Variants in FBXW7 observed in about 807,000 individuals in gnomAD.
FBXW7 encodes F-box/WD repeat-containing protein 7.
In FBXW7, 11 loss-of-function variants were observed where a neutral mutation model predicts 86.3. The ratio of observed to expected loss-of-function variants is 0.13; its 90% CI spans 0.08 to 0.21. FBXW7 has a LOEUF of 0.21. Ranked by LOEUF, FBXW7 falls within the 10% of genes least tolerant of loss-of-function variation. The pLI is 1.00. For synonymous variants in FBXW7, 313 were observed against 297.9 expected (o/e 1.05, Z -0.52); for missense variants, 488 against 847.4 (o/e 0.58, Z 5.27).
At chr4:152,514,452 G>A (rs373025873) in intron 2 of FBXW7, among the ~76,000 whole-genome samples, 1 of 152,136 alleles carries the variant, frequency 6.6e-6, no homozygotes, top group Admixed American at 6.5e-5. Flanking sequence ...CAGGGGTGGG[G>A]AGGTATGTTC....
At chr4:152,401,073 C>T (rs1736884929) in intron 4 of FBXW7, among the ~76,000 whole-genome samples, 1 of 152,212 alleles carries the variant, frequency 6.6e-6, no homozygotes, top group Non-Finnish European at 1.5e-5. Context: ...GCCACAGGAA[C>T]TCTCATTCAC....
intron 2 of FBXW7, among the ~76,000 whole-genome samples, chr4:152,465,900 T>A (rs1743381658): frequency 2.0e-5 from 3 of 150,954 alleles, no homozygotes; most frequent in Non-Finnish European, 2.9e-5. Flanking sequence ...CTCAAGTGAC[T>A]GTTAGCCAAT....
At chr4:152,459,439 G>T (rs1579260127) in intron 2 of FBXW7, among the ~76,000 whole-genome samples, 1 of 152,138 alleles carries the variant, frequency 6.6e-6, no homozygotes, top group African/African-American at 2.4e-5. Context: ...CCATACTGTT[G>T]TATGTATACA....
chr4:152,321,588 T>C lies in FBXW7; in HGVS notation c.*1293A>G. ...GTTTGTTTGCATGTGACGCCTTTAC[T>C]ACAAAAACTGAATAGTTTCTGCTTT... On this transcript the variant is annotated 3_prime_UTR_variant, in exon 14 of 14. Transcript: ENST00000281708. The C allele has an allele frequency of 4.3e-6, 1 of 233,230 alleles. No individual in the cohort carries two copies. The highest frequency in any genetic ancestry group is 6.1e-5 in the East Asian group (1 of 16,522). 14.4% of individuals were successfully genotyped at this position (233,230 alleles called of 1,614,324 possible).
At position 152,350,032 on chromosome 4, in the gene FBXW7, T is replaced by G. The variant is rs1049518895; in HGVS notation, c.584+10A>C. The G allele has an allele frequency of 1.7e-5, 24 of 1,429,970 alleles. No individual in the cohort carries two copies. Among genetic ancestry groups the G allele is most frequent in the Non-Finnish European group, 2.2e-5 (23 of 1,049,596 alleles). 88.6% of individuals were successfully genotyped at this position (1,429,970 alleles called of 1,614,324 possible). ...GAGAATCATGAGATAATCATTATAT[T>G]TAATATTACCTTGTATATTCTGAGA... On this transcript the variant is annotated intron_variant, in intron 5 of 13. Transcript: ENST00000281708.
intron 4 of FBXW7, chr4:152,382,063 G>T: frequency 1.9e-6 from 1 of 526,870 alleles, no homozygotes; most frequent in Non-Finnish European, 3.2e-6. Flanking sequence ...GTGTTTACTG[G>T]CTACACAATG....
chr4:152,506,061 A>G (rs1747391656), intron 2 of FBXW7, among the ~76,000 whole-genome samples: 1 of 152,128 alleles, frequency 6.6e-6, no homozygotes, highest in Non-Finnish European at 1.5e-5. Flanking sequence ...CAGAAAGTGC[A>G]GTATTGTAAA....
At chr4:152,349,009 C>G (rs1731543527) in intron 5 of FBXW7, among the ~76,000 whole-genome samples, 1 of 151,980 alleles carries the variant, frequency 6.6e-6, no homozygotes, top group African/African-American at 2.4e-5. Context: ...GAATGTAAGA[C>G]TATTCCAATT....
chr4:152,462,990 T>G (rs1028723890), intron 2 of FBXW7, among the ~76,000 whole-genome samples: 17 of 151,712 alleles, frequency 1.1e-4, no homozygotes, highest in African/African-American at 4.1e-4. Flanking sequence ...CTTGTATCAT[T>G]ATAAAGAATG....
intron 4 of FBXW7, among the ~76,000 whole-genome samples, chr4:152,393,624 A>G (rs1736175714): frequency 6.6e-6 from 1 of 152,178 alleles, no homozygotes; most frequent in Non-Finnish European, 1.5e-5. Flanking sequence ...ATGTAGTCTT[A>G]TATTAATAGA....
chr4:152,498,463 G>C (rs1416641524), intron 2 of FBXW7, among the ~76,000 whole-genome samples: 1 of 152,144 alleles, frequency 6.6e-6, no homozygotes, highest in African/African-American at 2.4e-5. Context: ...CATTCAGCCT[G>C]GCATCACTGT....
At chr4:152,377,729 T>C (rs1473640933) in intron 4 of FBXW7, among the ~76,000 whole-genome samples, 1 of 142,610 alleles carries the variant, frequency 7.0e-6, no homozygotes, top group Non-Finnish European at 1.5e-5. Flanking sequence ...CGCACCAGCC[T>C]AGGTGACAGA....
At chr4:152,339,155 T>C (rs1730460419) in intron 6 of FBXW7, among the ~76,000 whole-genome samples, 1 of 152,198 alleles carries the variant, frequency 6.6e-6, no homozygotes, top group Non-Finnish European at 1.5e-5. Context: ...TTCCATAGTA[T>C]ATTCCATTTT....
chr4:152,402,878 A>G (rs771256479), intron 4 of FBXW7, among the ~76,000 whole-genome samples: 1 of 152,208 alleles, frequency 6.6e-6, no homozygotes, highest in African/African-American at 2.4e-5. Flanking sequence ...GTCAACACAA[A>G]ATAAAGAACC....
intron 2 of FBXW7, among the ~76,000 whole-genome samples, chr4:152,512,986 C>A (rs1013792713): frequency 2.0e-5 from 3 of 152,124 alleles, no homozygotes; most frequent in African/African-American, 7.2e-5. Flanking sequence ...CTCGGCCTCC[C>A]AAATAGCTGG....
At chr4:152,447,191 G>A (rs894410627) in intron 2 of FBXW7, among the ~76,000 whole-genome samples, 5 of 152,138 alleles carry the variant, frequency 3.3e-5, no homozygotes. Context: ...CACATGTGAT[G>A]ACAATTTTAT....
chr4:152,440,943 T>C (rs980999962), intron 2 of FBXW7, among the ~76,000 whole-genome samples: 23 of 152,318 alleles, frequency 1.5e-4, no homozygotes, highest in African/African-American at 5.3e-4. Flanking sequence ...GGTTTTTTTT[T>C]TTCAATAACG....
At chr4:152,534,236 AG>A (rs1750262816) in intron 2 of FBXW7, among the ~76,000 whole-genome samples, 1 of 151,354 alleles carries the variant, frequency 6.6e-6, no homozygotes, top group African/African-American at 2.4e-5. Context: ...CAAATAAAAA[AG>A]TGCTGTAATT....
intron 4 of FBXW7, among the ~76,000 whole-genome samples, chr4:152,404,873 A>G (rs1263440807): frequency 6.6e-6 from 1 of 152,110 alleles, no homozygotes; most frequent in Non-Finnish European, 1.5e-5. Flanking sequence ...CAGGAAGATC[A>G]CCAGAGCTCA....
Sources: gnomAD v4.1 joint callset for allele counts (sites outside exome capture counted in the v4.1 genomes callset) on GRCh38, gnomAD v4.1.1 for gene constraint, MANE v1.5 for transcripts, NCBI Gene and HGNC (gene_info 2026-07-23, HGNC 2026-07-21) for gene names.